CACNA2D1: variants seen among roughly 807,000 people sequenced by gnomAD.
CACNA2D1 encodes the protein voltage-dependent calcium channel subunit alpha-2/delta-1.
A neutral mutation model predicts 171.5 loss-of-function variants in CACNA2D1; 53 were observed. The ratio of observed to expected loss-of-function variants is 0.31; its 90% CI spans 0.25 to 0.39. The LOEUF is 0.39. CACNA2D1 is among the 10% of genes least tolerant of loss of function. The pLI, the probability that CACNA2D1 is intolerant of heterozygous loss-of-function variation, is 1.00. For synonymous variants in CACNA2D1, 442 were observed against 443.1 expected (o/e 1.00, Z 0.03); for missense variants, 903 against 1,299.8 (o/e 0.69, Z 4.69).
intron 3 of CACNA2D1, among the ~76,000 whole-genome samples, chr7:82,223,476 C>T (rs975812550): frequency 6.6e-6 from 1 of 152,150 alleles, no homozygotes; most frequent in Admixed American, 6.5e-5. Flanking sequence ...ATTTTCTTTT[C>T]TCTTTTACTT....
At chr7:82,327,672 T>A (rs1456117258) in intron 3 of CACNA2D1, among the ~76,000 whole-genome samples, 1 of 152,046 alleles carries the variant, frequency 6.6e-6, no homozygotes, top group Non-Finnish European at 1.5e-5. Flanking sequence ...ACTCTCTGAG[T>A]TTTTCCTCCT....
intron 1 of CACNA2D1, among the ~76,000 whole-genome samples, chr7:82,432,639 C>T (rs900076942): frequency 7.2e-5 from 11 of 152,170 alleles, no homozygotes; most frequent in African/African-American, 2.2e-4. Flanking sequence ...GCCCAAATTC[C>T]AGTGGTTTTT....
chr7:82,256,617 C>T (rs38561), intron 3 of CACNA2D1, among the ~76,000 whole-genome samples: 53,388 of 151,878 alleles, frequency 0.35, 9,806 homozygotes, highest in Middle Eastern at 0.42. Context: ...AATGGTAATA[C>T]AGAATTATGA....
At chr7:82,343,583 C>A (rs1818922246) in intron 2 of CACNA2D1, among the ~76,000 whole-genome samples, 1 of 152,162 alleles carries the variant, frequency 6.6e-6, no homozygotes, top group Admixed American at 6.5e-5. Flanking sequence ...TTTAAGAATA[C>A]TTAGATTCAA....
chr7:82,085,506 A>C (rs1810349420), intron 6 of CACNA2D1, among the ~76,000 whole-genome samples: 1 of 151,134 alleles, frequency 6.6e-6, no homozygotes, highest in African/African-American at 2.4e-5. Context: ...AGCAACATAA[A>C]TTAGCCTGCT....
At chr7:82,045,657 G>A (rs1023521889) in intron 10 of CACNA2D1, among the ~76,000 whole-genome samples, 1 of 151,918 alleles carries the variant, frequency 6.6e-6, no homozygotes, top group Non-Finnish European at 1.5e-5. Flanking sequence ...TTAGTCCTTT[G>A]TCCCTCCGTT....
chr7:82,039,081 A>G (rs1021405996), intron 10 of CACNA2D1, among the ~76,000 whole-genome samples: 7 of 152,208 alleles, frequency 4.6e-5, no homozygotes, highest in African/African-American at 1.7e-4. Context: ...AAAGTTATTC[A>G]GGCTCTTGGC....
chr7:82,047,227 G>GT (rs1804660180), intron 10 of CACNA2D1, among the ~76,000 whole-genome samples: 2 of 152,056 alleles, frequency 1.3e-5, no homozygotes, highest in African/African-American at 4.8e-5. Flanking sequence ...CATTACAAAT[G>GT]TTTTTTGCAT....
chr7:82,443,425 G>A lies in CACNA2D1; in HGVS notation c.35C>T (p.Thr12Ile), dbSNP rs1325331073. Residue 12 changes from threonine (T) to isoleucine (I), a missense_variant, in exon 1 of 39, where the codon ACA (threonine) becomes ATA (isoleucine). This residue lies in a region of CACNA2D1 where 41 missense variants were observed against 27.6 expected (regional missense o/e 1.49). Transcript: ENST00000356860. ...AAGCLLALTL[T>I]LFQSLLIGPS... ...GCCGATGAGCAAAGATTGGAAAAGT[G>A]TCAGAGTCAAGGCCAGCAGGCAGCC... is the stretch of plus-strand genomic sequence containing the variant. 1 of 1,607,938 alleles carries A rather than the reference G, an allele frequency of 6.2e-7. No homozygotes were observed. Among genetic ancestry groups the A allele is most frequent in the Admixed American group, 1.7e-5 (1 of 59,520 alleles).
chr7:82,203,892 C>A (rs960692928), intron 3 of CACNA2D1, among the ~76,000 whole-genome samples: 2 of 152,222 alleles, frequency 1.3e-5, no homozygotes, highest in African/African-American at 4.8e-5. Context: ...ACCCCCCAAA[C>A]TGGGACGCAC....
At chr7:82,102,950 C>T (rs1812863064) in intron 6 of CACNA2D1, among the ~76,000 whole-genome samples, 1 of 152,128 alleles carries the variant, frequency 6.6e-6, no homozygotes, top group South Asian at 2.1e-4. Context: ...AACTTCATTA[C>T]AGACATAACC....
chr7:82,262,810 T>C (rs1807300194), intron 3 of CACNA2D1, among the ~76,000 whole-genome samples: 2 of 152,102 alleles, frequency 1.3e-5, no homozygotes, highest in Non-Finnish European at 2.9e-5. Context: ...ATGAAACCTG[T>C]AAGAGTCACA....
chr7:82,303,568 T>C (rs577176350), intron 3 of CACNA2D1, among the ~76,000 whole-genome samples: 3 of 151,408 alleles, frequency 2.0e-5, no homozygotes, highest in Non-Finnish European at 2.9e-5. Flanking sequence ...CAAAATAGTA[T>C]GGCATTGCTA....
intron 3 of CACNA2D1, among the ~76,000 whole-genome samples, chr7:82,233,089 G>A (rs1803149963): frequency 6.6e-6 from 1 of 151,998 alleles, no homozygotes. Flanking sequence ...TTATTTGGGA[G>A]ATACTGTACT....
intron 11 of CACNA2D1, among the ~76,000 whole-genome samples, chr7:82,037,853 TA>T (rs937368735): frequency 6.6e-6 from 1 of 152,158 alleles, no homozygotes; most frequent in Admixed American, 6.6e-5. Context: ...AAAACATAGA[TA>T]AAAAATATCA....
At chr7:82,129,951 A>G (rs914543519) in intron 5 of CACNA2D1, among the ~76,000 whole-genome samples, 2 of 149,566 alleles carry the variant, frequency 1.3e-5, no homozygotes, top group Non-Finnish European at 3.0e-5. Context: ...TTCATTGCCA[A>G]TCCTCTAGAT....
chr7:82,129,450 T>C (rs568738782), intron 5 of CACNA2D1, among the ~76,000 whole-genome samples: 1 of 152,332 alleles, frequency 6.6e-6, no homozygotes, highest in South Asian at 2.1e-4. Context: ...CCACATTTTT[T>C]ACTTTTCTGG....
At chr7:82,013,158 C>T (rs1800007134) in intron 14 of CACNA2D1, among the ~76,000 whole-genome samples, 1 of 151,804 alleles carries the variant, frequency 6.6e-6, no homozygotes, top group African/African-American at 2.4e-5. Context: ...GTAGTAGACT[C>T]AAGTTCAAAT....
At chr7:82,245,287 G>A (rs1804770777) in intron 3 of CACNA2D1, among the ~76,000 whole-genome samples, 1 of 152,178 alleles carries the variant, frequency 6.6e-6, no homozygotes, top group Non-Finnish European at 1.5e-5. Context: ...CACAGGTGAG[G>A]CAAAAGTCTC....
Sources: gnomAD v4.1 joint callset for allele counts (sites outside exome capture counted in the v4.1 genomes callset) on GRCh38, gnomAD v4.1.1 for gene constraint, gnomAD v4.1.1 regional missense constraint, MANE v1.5 for transcripts, NCBI Gene and HGNC (gene_info 2026-07-23, HGNC 2026-07-21) for gene names.